Variants in HCK observed in about 807,000 individuals in gnomAD.
The protein encoded by HCK is tyrosine-protein kinase HCK.
A neutral mutation model predicts 70.4 loss-of-function variants in HCK; 40 were observed. That is an observed-to-expected ratio of 0.57 (90% CI 0.44 to 0.74). The LOEUF is 0.74. HCK is among the 30% of genes least tolerant of loss of function. The probability of loss-of-function intolerance (pLI) is 0.00; values close to 1 mark genes in which losing one functional copy is unlikely to be tolerated. For synonymous variants in HCK, 245 were observed against 263.2 expected, an observed-to-expected ratio of 0.93 and a Z score of 0.67; for missense variants, 568 against 697.2, an observed-to-expected ratio of 0.81 and a Z score of 2.09.
intron 5 of HCK, 78 bp from the exon 6 acceptor site, chr20:32,079,696 T>C (rs1173526033): frequency 1.1e-5 from 10 of 923,032 alleles, no homozygotes; most frequent in Non-Finnish European, 1.6e-5. Context: ...GGGACCTGCA[T>C]GGCCACAGGC....
intron 5 of HCK, among the ~76,000 whole-genome samples, chr20:32,076,712 T>C (rs563768460): frequency 7.0e-4 from 107 of 152,326 alleles, no homozygotes; most frequent in African/African-American, 2.5e-3. Flanking sequence ...ATTCCGAATG[T>C]GCATTTCTAA....
At chr20:32,052,781 T>TTGG (rs2045195131) in intron 1 of HCK, among the ~76,000 whole-genome samples, 1 of 114,394 alleles carries the variant, frequency 8.7e-6, no homozygotes, top group Non-Finnish European at 1.7e-5. Flanking sequence ...GTTCCCCTTC[T>TTGG]TGGGGGGGGG....
chr20:32,070,008 T>G (rs2045515130), intron 1 of HCK, among the ~76,000 whole-genome samples: 1 of 152,172 alleles, frequency 6.6e-6, no homozygotes, highest in Admixed American at 6.5e-5. Flanking sequence ...AATGAAACAT[T>G]TCTTCCACTT....
chr20:32,099,460 C>T (rs922362420), intron 12 of HCK, among the ~76,000 whole-genome samples: 4 of 149,458 alleles, frequency 2.7e-5, no homozygotes, highest in African/African-American at 7.4e-5. Flanking sequence ...CAGGTTCAAG[C>T]GATTCTCCTG....
At chr20:32,053,404 G>T (rs569202732) in intron 1 of HCK, among the ~76,000 whole-genome samples, 1 of 151,984 alleles carries the variant, frequency 6.6e-6, no homozygotes, top group Non-Finnish European at 1.5e-5. Flanking sequence ...TTGGGAGGCC[G>T]AGGCAGGTGG....
rs73906729 is a variant in HCK, at chr20:32,073,373, C to T, written c.226+12C>T. ...AGGAATCAGGGAGGGTAAGTATCTA[C>T]GAGCAGATGCAGTGGAGTCATGTGT... On this transcript the variant is annotated intron_variant, in intron 3 of 12. Coordinates refer to ENST00000375852, the MANE Select transcript of HCK (RefSeq NM_002110.5). 682 of 1,609,306 alleles carry T rather than the reference C, an allele frequency of 4.2e-4. 3 individuals are homozygous for T. The African/African-American group carries it at 6.8e-3, about 16-fold the overall frequency.
chr20:32,058,989 C>T (rs559002471), intron 1 of HCK, among the ~76,000 whole-genome samples: 1 of 152,318 alleles, frequency 6.6e-6, no homozygotes, highest in African/African-American at 2.4e-5. Context: ...TTCGGCTTGC[C>T]AAGCCCATGG....
chr20:32,061,576 T>C (rs2045376943), intron 1 of HCK, among the ~76,000 whole-genome samples: 1 of 152,080 alleles, frequency 6.6e-6, no homozygotes, highest in Non-Finnish European at 1.5e-5. Flanking sequence ...TAGACAGTGA[T>C]GGGAGTTGGG....
intron 11 of HCK, among the ~76,000 whole-genome samples, chr20:32,096,149 C>A (rs1332750773): frequency 6.6e-6 from 1 of 151,908 alleles, no homozygotes; most frequent in South Asian, 2.1e-4. Flanking sequence ...CTGGGCCTCC[C>A]GAAGTGCTGG....
chr20:32,099,062 C>T lies in HCK; in HGVS notation c.1305C>T (p.Thr435=). 1 of 1,614,174 alleles carries T rather than the reference C, an allele frequency of 6.2e-7. No individual in the cohort carries two copies. Among genetic ancestry groups the T allele is most frequent in the Non-Finnish European group, 8.5e-7 (1 of 1,180,020 alleles). The change falls in exon 12 of 13, where the codon ACC becomes ACT. Residue 435 remains threonine, a synonymous_variant. Transcript: ENST00000375852. ...AAGCCATCAACTTTGGCTCCTTCAC[C>T]ATCAAGTCAGACGTCTGGTCCTTTG... is the stretch of plus-strand genomic sequence containing the variant.
intron 6 of HCK, among the ~76,000 whole-genome samples, chr20:32,082,435 A>G (rs1404210562): frequency 1.3e-5 from 2 of 152,086 alleles, no homozygotes; most frequent in Admixed American, 1.3e-4. Flanking sequence ...TGAGCTCAGG[A>G]GTTGGAGACC....
Position 32,073,344 on chromosome 20 carries a change from C to T in HCK, c.209C>T (p.Thr70Ile), listed in dbSNP as rs2045571824. The T allele has an allele frequency of 1.2e-6, 2 of 1,611,880 alleles. No individual in the cohort carries two copies. Among genetic ancestry groups the T allele is most frequent in the Admixed American group, 1.7e-5 (1 of 59,290 alleles). ...GGGCCTAATAGCCACAACAGCAACA[C>T]ACCAGGAATCAGGGAGGGTAAGTAT... The change falls in exon 3 of 13, where the codon ACA (threonine) becomes ATA (isoleucine). Residue 70 changes from threonine (T) to isoleucine (I), a missense_variant. By Grantham distance (89) the Thr-to-Ile change is moderately conservative. Around this residue, in one of 4 missense-constraint regions of HCK, gnomAD observed 318 missense variants for 336.0 expected, o/e 0.95. Transcript: ENST00000375852.
rs779172321 is a variant in HCK at position 32,088,689 on chromosome 20, T to C, written c.1092+45T>C. On this transcript the variant is annotated intron_variant, in intron 10 of 12. Coordinates refer to ENST00000375852, the MANE Select transcript of HCK (RefSeq NM_002110.5). ...ACGGGGAAGGGAAACAGGAATTCGA[T>C]TTTTTTACTTGCCAAATATTTACTG... 4.1e-6 allele frequency: 6 copies of C among 1,468,838 alleles called. No individual in the cohort carries two copies. The Admixed American group carries it at 8.6e-5, about 21-fold the overall frequency. 91.0% of individuals were successfully genotyped at this position (1,468,838 alleles called of 1,614,324 possible). A position where few individuals can be genotyped will look rare whatever the true frequency, so the allele number is the denominator to read the frequency against.
chr20:32,074,762 C>A (rs2045597714), intron 5 of HCK, 41 bp downstream of exon 5: 2 of 1,420,346 alleles, frequency 1.4e-6, no homozygotes, highest in African/African-American at 1.4e-5. Flanking sequence ...GAGGCATGAG[C>A]AAAGCCAGCC....
chr20:32,058,605 A>AACAC (rs60349531), intron 1 of HCK, among the ~76,000 whole-genome samples: 16,832 of 142,154 alleles, frequency 0.12, 980 homozygotes, highest in Non-Finnish European at 0.13. Flanking sequence ...TTTATGTCAA[A>AACAC]ACACACACAC....
chr20:32,080,284 C>T (rs1366389427), intron 6 of HCK, among the ~76,000 whole-genome samples: 2 of 151,956 alleles, frequency 1.3e-5, no homozygotes, highest in Non-Finnish European at 1.5e-5. Context: ...CTGCAACCTC[C>T]ACCTCCCAGG....
At chr20:32,071,564 C>A in intron 1 of HCK, 98 bp from the exon 2 acceptor site, 1 of 1,509,396 alleles carries the variant, frequency 6.6e-7, no homozygotes, top group Non-Finnish European at 9.0e-7. Flanking sequence ...CCAGTGGGAG[C>A]CAGCCCGGGG....
chr20:32,084,631 G>A (rs1056570189), intron 8 of HCK, 88 bp downstream of exon 8: 20 of 1,257,728 alleles, frequency 1.6e-5, no homozygotes, highest in Middle Eastern at 2.7e-4. Flanking sequence ...ATGGCAAAGC[G>A]GGAATGCTAC....
intron 1 of HCK, chr20:32,054,419 T>G (rs1449088345): frequency 1.5e-5 from 6 of 387,686 alleles, no homozygotes; most frequent in Admixed American, 2.8e-5. Flanking sequence ...GAAGTCGCAG[T>G]GAGCCGAGAT....
Sources: allele counts gnomAD v4.1 joint callset (sites outside exome capture counted in the v4.1 genomes callset), GRCh38; gene constraint gnomAD v4.1.1; regional missense constraint gnomAD v4.1.1; transcripts MANE v1.5; gene names NCBI Gene and HGNC (gene_info 2026-07-23, HGNC 2026-07-21).